NRG3: variants seen among roughly 807,000 people sequenced by gnomAD.
NRG3 encodes the protein neuregulin 3.
A neutral mutation model predicts 66.9 loss-of-function variants in NRG3; 31 were observed. The ratio of observed to expected loss-of-function variants is 0.46; its 90% CI spans 0.35 to 0.63. NRG3 has a LOEUF of 0.63. Ranked by LOEUF, NRG3 falls within the 20% of genes least tolerant of loss-of-function variation. The pLI, the probability that NRG3 is intolerant of heterozygous loss-of-function variation, is 0.00. For synonymous variants in NRG3, 393 were observed against 359.4 expected (o/e 1.09, Z -1.06); for missense variants, 910 against 878.9 (o/e 1.04, Z -0.45).
At chr10:82,043,396 A>G (rs2063132097) in intron 1 of NRG3, among the ~76,000 whole-genome samples, 2 of 152,172 alleles carry the variant, frequency 1.3e-5, no homozygotes, top group Admixed American at 1.3e-4. Flanking sequence ...AGCTAAAATT[A>G]TCTCTTTGCT....
chr10:82,653,578 A>T (rs912091241), intron 2 of NRG3, among the ~76,000 whole-genome samples: 1 of 152,090 alleles, frequency 6.6e-6, no homozygotes, highest in East Asian at 1.9e-4. Flanking sequence ...AGGGAATTAT[A>T]TTGATAAGAC....
chr10:82,377,457 T>TGTGTGTGTGTGC (rs57900993), intron 2 of NRG3, among the ~76,000 whole-genome samples: 4 of 150,344 alleles, frequency 2.7e-5, no homozygotes, highest in African/African-American at 9.9e-5. Flanking sequence ...TGTGTGTGTG[T>TGTGTGTGTGTGC]GCGCGAGCGC....
chr10:81,998,611 G>A (rs1381143610), intron 1 of NRG3, among the ~76,000 whole-genome samples: 1 of 152,132 alleles, frequency 6.6e-6, no homozygotes, highest in Non-Finnish European at 1.5e-5. Context: ...TGCTAGGACT[G>A]TTGTAAAGGA....
At position 82,605,051 on chromosome 10, in the gene NRG3, G is replaced by T. The variant is rs545968006; in HGVS notation, c.954-133526G>T. 2.0e-5 allele frequency among the ~76,000 whole-genome samples: 3 copies of T among 151,980 alleles called. No homozygotes were observed. In the East Asian group the frequency reaches 5.8e-4, roughly 29 times the overall value. On this transcript the variant is annotated intron_variant, in intron 2 of 8. Coordinates refer to ENST00000372141, the MANE Select transcript of NRG3 (RefSeq NM_001010848.4). ...TTTTCTTTCTTTTTTTCTTGTGTCAGTGGATTAACTAGGACCAGTACATTG... is the reference window on the plus strand; with the variant it reads ...TTTTCTTTCTTTTTTTCTTGTGTCATTGGATTAACTAGGACCAGTACATTG...
At chr10:82,412,679 G>A (rs1342613266) in intron 2 of NRG3, among the ~76,000 whole-genome samples, 1 of 152,070 alleles carries the variant, frequency 6.6e-6, no homozygotes, top group African/African-American at 2.4e-5. Flanking sequence ...TTGCTTAATA[G>A]CATTTTACCT....
At chr10:82,956,829 A>G (rs1245266718) in intron 5 of NRG3, among the ~76,000 whole-genome samples, 1 of 151,908 alleles carries the variant, frequency 6.6e-6, no homozygotes, top group Non-Finnish European at 1.5e-5. Flanking sequence ...GATATGATAG[A>G]TTTATTTTTA....
At chr10:82,965,806 G>A (rs1024185137) in intron 6 of NRG3, among the ~76,000 whole-genome samples, 1 of 152,034 alleles carries the variant, frequency 6.6e-6, no homozygotes, top group African/African-American at 2.4e-5. Context: ...GGTCAGTCAG[G>A]CTAACTTTCC....
rs187316583 is a variant in NRG3 at position 82,466,096 on chromosome 10, G to A, written c.953+107228G>A. ...TCCCTTGACCTCCTCTATTCTTGCC[G>A]TCACTTCCAGGCACCTGTGTCTGGC... On this transcript the variant is annotated intron_variant, in intron 2 of 8. Coordinates refer to ENST00000372141, the MANE Select transcript of NRG3 (RefSeq NM_001010848.4). Among the ~76,000 whole-genome samples the A allele has an allele frequency of 1.3e-3, 194 of 152,230 alleles. 2 individuals are homozygous for A. Among genetic ancestry groups the A allele is most frequent in the Admixed American group, 6.0e-3 (92 of 15,296 alleles).
At chr10:82,731,061 C>T (rs982869252) in intron 2 of NRG3, among the ~76,000 whole-genome samples, 1 of 151,926 alleles carries the variant, frequency 6.6e-6, no homozygotes, top group Non-Finnish European at 1.5e-5. Context: ...CGAGGGTAGT[C>T]TGCAGTCAAG....
At chr10:81,942,721 T>G (rs1265244257) in intron 1 of NRG3, among the ~76,000 whole-genome samples, 4 of 152,188 alleles carry the variant, frequency 2.6e-5, no homozygotes, top group Admixed American at 6.6e-5. Context: ...TTTATGCCGT[T>G]TGAGGACCTC....
chr10:82,270,347 T>C (rs2078527504), intron 1 of NRG3, among the ~76,000 whole-genome samples: 1 of 152,160 alleles, frequency 6.6e-6, no homozygotes, highest in Non-Finnish European at 1.5e-5. Flanking sequence ...CCTTAATCAC[T>C]TTAAAGCAAT....
At chr10:81,935,571 C>A (rs1394227557) in intron 1 of NRG3, among the ~76,000 whole-genome samples, 1 of 151,786 alleles carries the variant, frequency 6.6e-6, no homozygotes. Context: ...TTTCAGGGAA[C>A]AACAACAACA....
chr10:82,594,672 C>T (rs1365995379), intron 2 of NRG3, among the ~76,000 whole-genome samples: 1 of 151,986 alleles, frequency 6.6e-6, no homozygotes, highest in East Asian at 1.9e-4. Context: ...ACAATTATTT[C>T]CTACATCTAG....
chr10:82,190,797 T>G (rs910838034), intron 1 of NRG3, among the ~76,000 whole-genome samples: 1 of 152,178 alleles, frequency 6.6e-6, no homozygotes, highest in Non-Finnish European at 1.5e-5. Context: ...TCAAGGACAG[T>G]ATCTAAGATC....
intron 1 of NRG3, among the ~76,000 whole-genome samples, chr10:82,100,877 C>T (rs2066689563): frequency 1.3e-5 from 2 of 151,478 alleles, no homozygotes; most frequent in African/African-American, 2.4e-5. Context: ...TTTTTTTGGC[C>T]TCATAAAATT....
intron 3 of NRG3, among the ~76,000 whole-genome samples, chr10:82,751,759 A>G (rs548617540): frequency 2.0e-5 from 3 of 152,196 alleles, no homozygotes; most frequent in Non-Finnish European, 4.4e-5. Flanking sequence ...TATAAGAAGA[A>G]CTAAATTGAG....
At chr10:82,068,669 G>C (rs898396766) in intron 1 of NRG3, among the ~76,000 whole-genome samples, 1 of 152,190 alleles carries the variant, frequency 6.6e-6, no homozygotes, top group African/African-American at 2.4e-5. Context: ...TTGCTTAGAT[G>C]AAAGAGGTGA....
chr10:82,312,592 T>C (rs1397844518), intron 1 of NRG3, among the ~76,000 whole-genome samples: 4 of 152,384 alleles, frequency 2.6e-5, no homozygotes, highest in Middle Eastern at 3.4e-3. Flanking sequence ...GTTGGGCTTC[T>C]GTTCTTTCCT....
At chr10:82,218,002 C>T (rs2075769429) in intron 1 of NRG3, among the ~76,000 whole-genome samples, 1 of 151,790 alleles carries the variant, frequency 6.6e-6, no homozygotes, top group Admixed American at 6.6e-5. Context: ...CTGGATATTT[C>T]CTAGATAATT....
Sources: allele counts gnomAD v4.1 joint callset (sites outside exome capture counted in the v4.1 genomes callset), GRCh38; gene constraint gnomAD v4.1.1; transcripts MANE v1.5; gene names NCBI Gene and HGNC (gene_info 2026-07-23, HGNC 2026-07-21).